Variants in CDCA7L observed in about 807,000 individuals in gnomAD.
CDCA7L encodes the protein cell division cycle-associated 7-like protein.
A neutral mutation model predicts 57.4 loss-of-function variants in CDCA7L; 44 were observed. That is an observed-to-expected ratio of 0.77 (90% confidence interval 0.60 to 0.98). The LOEUF is 0.98. Ranked by LOEUF, CDCA7L falls within the 50% of genes least tolerant of loss-of-function variation. The probability of loss-of-function intolerance (pLI) is 0.00; values close to 1 mark genes in which losing one functional copy is unlikely to be tolerated. For synonymous variants in CDCA7L, 236 were observed against 202.8 expected, an observed-to-expected ratio of 1.16 and a Z score of -1.39; for missense variants, 644 against 580.6, an observed-to-expected ratio of 1.11 and a Z score of -1.12.
At chr7:21,921,000 G>A (rs1044306998) in intron 1 of CDCA7L, among the ~76,000 whole-genome samples, 1 of 152,156 alleles carries the variant, frequency 6.6e-6, no homozygotes, top group East Asian at 1.9e-4. Context: ...TAAAGGAGGA[G>A]GAGCACCCCA....
chr7:21,935,241 GA>G (rs1399994299), intron 1 of CDCA7L, among the ~76,000 whole-genome samples: 13 of 152,072 alleles, frequency 8.5e-5, no homozygotes, highest in Non-Finnish European at 2.9e-5. Context: ...AAGGAAAAAT[GA>G]AAAATTCACA....
At chr7:21,905,341 G>GCCTC (rs1276545060) in intron 7 of CDCA7L, among the ~76,000 whole-genome samples, 165 bp downstream of exon 7, 1 of 152,046 alleles carries the variant, frequency 6.6e-6, no homozygotes, top group Non-Finnish European at 1.5e-5. Context: ...GCACTAGGCT[G>GCCTC]CCTCCCCTTT....
At chr7:21,920,664 C>T (rs952815460) in intron 1 of CDCA7L, among the ~76,000 whole-genome samples, 5 of 152,202 alleles carry the variant, frequency 3.3e-5, no homozygotes, top group Admixed American at 1.3e-4. Context: ...CTAACTCTGA[C>T]ATCATTCTTG....
chr7:21,917,403 A>C (rs1479192486), intron 1 of CDCA7L, among the ~76,000 whole-genome samples: 1 of 152,232 alleles, frequency 6.6e-6, no homozygotes, highest in South Asian at 2.1e-4. Context: ...ATTGTAAGTC[A>C]ACTTAAGTAG....
chr7:21,901,316 T>C lies in CDCA7L; in HGVS notation c.*1006A>G, dbSNP rs573090758. ...CAGTGAGGATTTTCTAGCATGTTGC[T>C]GCACTGTTCCCATGCACATTATTCT... On this transcript the variant is annotated 3_prime_UTR_variant, in exon 10 of 10. Coordinates refer to ENST00000406877, the MANE Select transcript of CDCA7L (RefSeq NM_018719.5). The C allele has an allele frequency of 1.5e-3, 2,261 of 1,514,316 alleles. 4 individuals carry two copies. Among genetic ancestry groups the C allele is most frequent in the Non-Finnish European group, 1.9e-3 (2,120 of 1,131,824 alleles). 93.8% of individuals were successfully genotyped at this position (1,514,316 alleles called of 1,614,324 possible).
rs558279495 is a variant in CDCA7L, at chr7:21,903,554, G to C, written c.1198-440C>G. ...GTTGAGGACCATATATTTACCCCAT[G>C]ACTGCTGCCTAAGAGGTCACACTCG... is the stretch of plus-strand genomic sequence containing the variant. On this transcript the variant is annotated intron_variant, in intron 8 of 9. Transcript: ENST00000406877. Among the ~76,000 whole-genome samples the C allele has an allele frequency of 6.7e-5, 10 of 148,228 alleles. No individual in the cohort carries two copies. In the South Asian group the frequency reaches 2.2e-3, roughly 32 times the overall value.
intron 9 of CDCA7L, 145 bp from the exon 10 acceptor site, chr7:21,902,497 A>G: frequency 1.3e-6 from 1 of 761,492 alleles, no homozygotes; most frequent in Non-Finnish European, 2.3e-6. Flanking sequence ...TTATGCATCA[A>G]TATCCGTATA....
chr7:21,903,896 T>TAAC (rs57083117), intron 8 of CDCA7L: 1 of 416,522 alleles, frequency 2.4e-6, no homozygotes, highest in African/African-American at 2.0e-5. Flanking sequence ...ATGGAAAATC[T>TAAC]AACAACATTA....
chr7:21,915,528 T>C (rs1057408264), intron 2 of CDCA7L, among the ~76,000 whole-genome samples: 1 of 151,186 alleles, frequency 6.6e-6, no homozygotes, highest in South Asian at 2.1e-4. Flanking sequence ...CCAGGTACAG[T>C]GGCTCACGCC....
Position 21,901,405 on chromosome 7 carries a change from A to G in CDCA7L, c.*917T>C. On this transcript the variant is annotated 3_prime_UTR_variant, in exon 10 of 10. Transcript: ENST00000406877. ...GCTATCCTTAGAGTGAAAGTCAGAA[A>G]AAAATACTAGAAACTAACTCAGGGC... 4 of 1,145,418 alleles carry G rather than the reference A, an allele frequency of 3.5e-6. No homozygotes were observed. The highest frequency in any genetic ancestry group is 4.6e-6 in the Non-Finnish European group (4 of 875,496). The allele number at this position is 1,145,418 out of a possible 1,614,324, so 71.0% of individuals were successfully genotyped here.
At chr7:21,908,085 C>G (rs1785195935) in intron 4 of CDCA7L, 45 bp downstream of exon 4, 2 of 1,490,376 alleles carry the variant, frequency 1.3e-6, no homozygotes, top group Non-Finnish European at 1.8e-6. Context: ...CAACTGCTGC[C>G]AGAGCCTGGT....
rs570251876 is a variant in CDCA7L, at chr7:21,912,256, T to C, written c.166-502A>G. Among the ~76,000 whole-genome samples, 8 of 152,016 alleles carry C rather than the reference T, an allele frequency of 5.3e-5. No homozygotes were observed. In the South Asian group the frequency reaches 1.5e-3, roughly 28 times the overall value. ...CTGCGTTGCAGCCAAGATCACACCATTGCACTCCAGCCGGGTGACAGAGTG... is the reference window on the plus strand; with the variant it reads ...CTGCGTTGCAGCCAAGATCACACCACTGCACTCCAGCCGGGTGACAGAGTG... On this transcript the variant is annotated intron_variant, in intron 2 of 9. Transcript: ENST00000406877.
chr7:21,916,060 C>T (rs1448248868), intron 2 of CDCA7L, among the ~76,000 whole-genome samples: 2 of 152,182 alleles, frequency 1.3e-5, no homozygotes, highest in Non-Finnish European at 1.5e-5. Context: ...ATATAATTAA[C>T]TGCTTCCCTT....
At chr7:21,931,173 T>C (rs1785997594) in intron 1 of CDCA7L, among the ~76,000 whole-genome samples, 1 of 152,138 alleles carries the variant, frequency 6.6e-6, no homozygotes, top group Non-Finnish European at 1.5e-5. Context: ...ACCAGACAGA[T>C]TTACAGCCAA....
chr7:21,902,291 G>A lies in CDCA7L; in HGVS notation c.*31C>T. On this transcript the variant is annotated 3_prime_UTR_variant, in exon 10 of 10. Coordinates refer to ENST00000406877, the MANE Select transcript of CDCA7L (RefSeq NM_018719.5). ...TGCATGTCTTGTTGGAGTACTCTAT[G>A]GTGAGGTGGCTGGTTCTGTTTGTTT... The A allele has an allele frequency of 6.2e-7, 1 of 1,600,624 alleles. No homozygotes were observed. Among genetic ancestry groups the A allele is most frequent in the South Asian group, 1.1e-5 (1 of 90,960 alleles).
At chr7:21,905,367 C>G (rs1407680743) in intron 7 of CDCA7L, 139 bp downstream of exon 7, 1 of 922,772 alleles carries the variant, frequency 1.1e-6, no homozygotes, top group Non-Finnish European at 1.6e-6. Flanking sequence ...GTACAGCTGA[C>G]TTTTGACCCT....
intron 4 of CDCA7L, 45 bp from the exon 5 acceptor site, chr7:21,906,684 C>T (rs1273405672): frequency 1.3e-6 from 2 of 1,590,090 alleles, no homozygotes; most frequent in African/African-American, 1.3e-5. Context: ...AATAGGGCTC[C>T]AGGTTTAGGT....
intron 1 of CDCA7L, among the ~76,000 whole-genome samples, chr7:21,924,528 T>C (rs367723798): frequency 6.6e-6 from 1 of 152,234 alleles, no homozygotes; most frequent in African/African-American, 2.4e-5. Flanking sequence ...TGCAAAATCA[T>C]TTCTTTGAAT....
At chr7:21,917,448 T>C (rs1785520109) in intron 1 of CDCA7L, among the ~76,000 whole-genome samples, 1 of 152,318 alleles carries the variant, frequency 6.6e-6, no homozygotes, top group South Asian at 2.1e-4. Context: ...CAAATGCTAT[T>C]AGGGGATAAT....
Sources: gnomAD v4.1 joint callset for allele counts (sites outside exome capture counted in the v4.1 genomes callset) on GRCh38, gnomAD v4.1.1 for gene constraint, MANE v1.5 for transcripts, NCBI Gene and HGNC (gene_info 2026-07-23, HGNC 2026-07-21) for gene names.